ZNHIT6: variants seen among roughly 807,000 people sequenced by gnomAD.
ZNHIT6 encodes zinc finger HIT-type containing 6.
A neutral mutation model predicts 57.2 loss-of-function variants in ZNHIT6; 45 were observed. The observed-to-expected ratio is 0.79, with a 90% CI of 0.62 to 1.01. The LOEUF (loss-of-function observed/expected upper bound fraction) is 1.01, where lower values mean the gene tolerates loss of function less well. Ranked by LOEUF, ZNHIT6 falls within the 50% of genes least tolerant of loss-of-function variation. The pLI is 0.00. For synonymous variants in ZNHIT6, 188 were observed against 190.0 expected (o/e 0.99, Z 0.09); for missense variants, 528 against 567.3 (o/e 0.93, Z 0.70).
At chr1:85,707,581 G>A (rs1662722313) in intron 1 of ZNHIT6, 48 bp downstream of exon 1, 2 of 1,497,652 alleles carry the variant, frequency 1.3e-6, no homozygotes, top group Non-Finnish European at 8.9e-7. Flanking sequence ...CTCTAGACAT[G>A]AGGACTCCAC....
chr1:85,680,877 C>A lies in ZNHIT6; in HGVS notation c.1047G>T (p.Lys349Asn). ...KKKQQFCWHVKLQFPQSQAEY... is the reference protein window; with the variant it reads ...KKKQQFCWHVNLQFPQSQAEY... ...CAGCTTGACTTTGAGGAAACTGGAG[C>A]TTCACATGCCAACAAAACTGTTGTT... The change falls in exon 6 of 10, where the codon AAG becomes AAT. Residue 349 changes from lysine to asparagine, a missense_variant. Transcript: ENST00000370574. 6.2e-7 allele frequency: 1 copy of A among 1,612,708 alleles called. No homozygotes were observed. The highest frequency in any genetic ancestry group is 1.1e-5 in the South Asian group (1 of 90,746).
chr1:85,688,356 A>G (rs984571431), intron 5 of ZNHIT6, among the ~76,000 whole-genome samples: 1 of 152,212 alleles, frequency 6.6e-6, no homozygotes, highest in Non-Finnish European at 1.5e-5. Context: ...TCTTAACTCT[A>G]GAGTCCATAC....
chr1:85,686,001 G>A (rs887007784), intron 5 of ZNHIT6, among the ~76,000 whole-genome samples: 2 of 147,918 alleles, frequency 1.4e-5, no homozygotes, highest in East Asian at 2.0e-4. Context: ...TCGCTCTGTC[G>A]CCCAGGCTGG....
intron 9 of ZNHIT6, among the ~76,000 whole-genome samples, chr1:85,656,377 A>T (rs945869596): frequency 1.3e-5 from 2 of 152,072 alleles, no homozygotes; most frequent in African/African-American, 4.8e-5. Context: ...AAAATAGCAA[A>T]TTTTACTCAA....
intron 8 of ZNHIT6, among the ~76,000 whole-genome samples, chr1:85,661,206 G>A (rs1045169182): frequency 4.6e-5 from 7 of 152,278 alleles, no homozygotes; most frequent in African/African-American, 1.7e-4. Flanking sequence ...GTTAAATGAA[G>A]CAATAACTTT....
intron 5 of ZNHIT6, among the ~76,000 whole-genome samples, chr1:85,692,210 G>T (rs1463833761): frequency 6.6e-6 from 1 of 152,060 alleles, no homozygotes; most frequent in African/African-American, 2.4e-5. Flanking sequence ...ACATTTTAGA[G>T]GCATATCACA....
intron 8 of ZNHIT6, among the ~76,000 whole-genome samples, chr1:85,658,382 C>T (rs546043748): frequency 9.9e-5 from 15 of 152,152 alleles, no homozygotes; most frequent in African/African-American, 3.6e-4. Flanking sequence ...GTGCGTGCCA[C>T]CATGCCTGGC....
Position 85,706,425 on chromosome 1 carries a change from G to A in ZNHIT6, c.722+17C>T. 6.2e-7 allele frequency: 1 copy of A among 1,613,222 alleles called. No individual in the cohort carries two copies. The highest frequency in any genetic ancestry group is 1.1e-5 in the South Asian group (1 of 90,914). ...AGGTACAGATACAGGTTAAAAGGTAGGAAGTTACATGTATACCTGCAGGAA... is the reference window on the plus strand; with the variant it reads ...AGGTACAGATACAGGTTAAAAGGTAAGAAGTTACATGTATACCTGCAGGAA... On this transcript the variant is annotated intron_variant, in intron 2 of 9. Transcript: ENST00000370574.
intron 5 of ZNHIT6, among the ~76,000 whole-genome samples, chr1:85,681,679 C>G (rs1413791994): frequency 6.6e-6 from 1 of 152,122 alleles, no homozygotes; most frequent in Non-Finnish European, 1.5e-5. Flanking sequence ...AGTAGGACCC[C>G]AAAATCTAAA....
At chr1:85,697,461 G>A (rs1234824542) in intron 5 of ZNHIT6, among the ~76,000 whole-genome samples, 2 of 152,064 alleles carry the variant, frequency 1.3e-5, no homozygotes, top group African/African-American at 2.4e-5. Flanking sequence ...CTCTCAAATG[G>A]CAAGCTGTTT....
intron 9 of ZNHIT6, 106 bp downstream of exon 9, chr1:85,657,741 G>T: frequency 2.7e-6 from 3 of 1,101,658 alleles, no homozygotes; most frequent in Non-Finnish European, 3.9e-6. Context: ...TCCTGTAAGT[G>T]TGTAAATATA....
chr1:85,683,049 T>G (rs1225598911), intron 5 of ZNHIT6, among the ~76,000 whole-genome samples: 2 of 151,936 alleles, frequency 1.3e-5, no homozygotes, highest in Non-Finnish European at 2.9e-5. Flanking sequence ...ATACCCCATC[T>G]CTACAAAAAA....
Position 85,706,967 on chromosome 1 carries a change from A to G in ZNHIT6, c.657-460T>C, listed in dbSNP as rs1192335129. On this transcript the variant is annotated intron_variant, in intron 1 of 9. Transcript: ENST00000370574. The stretch of plus-strand genomic sequence containing the variant: ...ACCCTTTTTCCTGAACTCCACGCCT[A>G]ATCTAGAATGAGCATCGAAATAATC... Among the ~76,000 whole-genome samples, 4 of 152,188 alleles carry G rather than the reference A, an allele frequency of 2.6e-5. No homozygotes were observed. In the East Asian group the frequency reaches 7.7e-4, roughly 29 times the overall value.
At chr1:85,658,149 T>G (rs1482923263) in intron 8 of ZNHIT6, among the ~76,000 whole-genome samples, 178 bp from the exon 9 acceptor site, 1 of 152,184 alleles carries the variant, frequency 6.6e-6, no homozygotes, top group East Asian at 1.9e-4. Flanking sequence ...GTACAAGAGC[T>G]ATTATTATAG....
rs1557861076 is a variant in ZNHIT6, at chr1:85,687,298, ACAAAAAAAAAAAAC to A, written c.1020-6408_1020-6395del. On this transcript the variant is annotated intron_variant, in intron 5 of 9. Transcript: ENST00000370574. ...GACTATCTCAAAAAACAAAAAAAAA[ACAAAAAAAAAAAAC>A]AATTTAGAACCCAGTACTCAAAAAT... Among the ~76,000 whole-genome samples, 9 of 130,670 alleles carry A rather than the reference ACAAAAAAAAAAAAC, an allele frequency of 6.9e-5. No individual in the cohort carries two copies. The South Asian group carries it at 8.0e-4, about 12-fold the overall frequency. 85.7% of individuals were successfully genotyped at this position (130,670 alleles called of 152,430 possible).
chr1:85,678,808 C>G, intron 6 of ZNHIT6, 27 bp from the exon 7 acceptor site: 1 of 1,261,402 alleles, frequency 7.9e-7, no homozygotes, highest in Non-Finnish European at 1.1e-6. Context: ...AAAAAACAAG[C>G]TATATTAGTA....
intron 6 of ZNHIT6, among the ~76,000 whole-genome samples, chr1:85,680,210 C>T (rs1478258682): frequency 6.6e-6 from 1 of 152,100 alleles, no homozygotes; most frequent in Non-Finnish European, 1.5e-5. Context: ...TGCCCCCACT[C>T]CCCTCCAAAA....
At chr1:85,707,579 A>G in intron 1 of ZNHIT6, 50 bp downstream of exon 1, 7 of 1,498,884 alleles carry the variant, frequency 4.7e-6, no homozygotes, top group Non-Finnish European at 6.3e-6. Flanking sequence ...CACTCTAGAC[A>G]TGAGGACTCC....
chr1:85,677,058 AT>A (rs1365670277), intron 8 of ZNHIT6, among the ~76,000 whole-genome samples, 177 bp downstream of exon 8: 3 of 152,170 alleles, frequency 2.0e-5, no homozygotes, highest in Non-Finnish European at 4.4e-5. Flanking sequence ...AACCAGGGTG[AT>A]TTTTCAACCC....
Sources: allele counts gnomAD v4.1 joint callset (sites outside exome capture counted in the v4.1 genomes callset), GRCh38; gene constraint gnomAD v4.1.1; transcripts MANE v1.5; gene names NCBI Gene and HGNC (gene_info 2026-07-23, HGNC 2026-07-21).